CTNNBL1: variants seen among roughly 807,000 people sequenced by gnomAD.
CTNNBL1 encodes beta-catenin-like protein 1.
In CTNNBL1, 31 loss-of-function variants were observed where a neutral mutation model predicts 72.7. The ratio of observed to expected loss-of-function variants is 0.43; its 90% CI spans 0.32 to 0.58. The LOEUF (loss-of-function observed/expected upper bound fraction) is 0.58, where lower values mean the gene tolerates loss of function less well. CTNNBL1 is among the 20% of genes least tolerant of loss of function. CTNNBL1 has a pLI of 0.08. For synonymous variants in CTNNBL1, 240 were observed against 267.3 expected (o/e 0.90, Z 1.00); for missense variants, 534 against 725.1 (o/e 0.74, Z 3.03).
intron 11 of CTNNBL1, among the ~76,000 whole-genome samples, chr20:37,803,614 G>C (rs368164114): frequency 2.6e-5 from 4 of 152,184 alleles, no homozygotes; most frequent in East Asian, 3.9e-4. Flanking sequence ...GCCTGCTGCA[G>C]CCCTCTCCCC....
intron 10 of CTNNBL1, among the ~76,000 whole-genome samples, chr20:37,792,165 A>G (rs2073730766): frequency 6.6e-6 from 1 of 151,968 alleles, no homozygotes; most frequent in Non-Finnish European, 1.5e-5. Flanking sequence ...CTTATTTTTG[A>G]TGTTAGTAAT....
intron 11 of CTNNBL1, among the ~76,000 whole-genome samples, chr20:37,804,022 G>A (rs1344803209): frequency 6.6e-6 from 1 of 152,164 alleles, no homozygotes; most frequent in African/African-American, 2.4e-5. Context: ...GGAAGGTGGT[G>A]TGACCTACCT....
chr20:37,757,049 G>A (rs1193925252), intron 4 of CTNNBL1: 1 of 152,290 alleles, frequency 6.6e-6, no homozygotes, highest in African/African-American at 2.4e-5. Context: ...GACAGAGGTT[G>A]GTGGGGACTA....
chr20:37,777,694 G>A lies in CTNNBL1; in HGVS notation c.864G>A (p.Val288=). The A allele has an allele frequency of 6.2e-7, 1 of 1,613,724 alleles. No homozygotes were observed. The highest frequency in any genetic ancestry group is 8.5e-7 in the Non-Finnish European group (1 of 1,179,732). ...TTGGGGAGCTGGATGGAATCGATGT[G>A]CTTCTTCAGCAGTTATCCGTGAGTA... The part of the protein sequence containing the change: ...ELLGELDGID[V]LLQQLSVFKR... The change falls in exon 9 of 16, where the codon GTG becomes GTA. Residue 288 remains valine (V), a synonymous_variant. Coordinates refer to ENST00000361383, the MANE Select transcript of CTNNBL1 (RefSeq NM_030877.5).
intron 11 of CTNNBL1, among the ~76,000 whole-genome samples, chr20:37,819,799 C>T (rs1158288509): frequency 6.6e-6 from 1 of 151,840 alleles, no homozygotes; most frequent in Non-Finnish European, 1.5e-5. Flanking sequence ...AAGAAGGAGC[C>T]ATAGCCCACA....
intron 7 of CTNNBL1, among the ~76,000 whole-genome samples, chr20:37,775,318 C>T (rs954192432): frequency 4.6e-5 from 7 of 152,200 alleles, no homozygotes; most frequent in Non-Finnish European, 8.8e-5. Flanking sequence ...TCTGATTTCA[C>T]ATCGATTTTC....
intron 1 of CTNNBL1, among the ~76,000 whole-genome samples, chr20:37,716,468 AT>A (rs2072987204): frequency 6.6e-6 from 1 of 152,122 alleles, no homozygotes; most frequent in Non-Finnish European, 1.5e-5. Flanking sequence ...CTGACACTGA[AT>A]TGTCTTATCT....
intron 7 of CTNNBL1, among the ~76,000 whole-genome samples, chr20:37,772,985 A>G (rs1296098846): frequency 6.6e-6 from 1 of 152,248 alleles, no homozygotes; most frequent in East Asian, 1.9e-4. Context: ...AGGTAAGTAG[A>G]TAACAGTAGT....
Position 37,828,309 on chromosome 20 carries a change from A to C in CTNNBL1, c.1214-11793A>C, listed in dbSNP as rs6021198. Among the ~76,000 whole-genome samples, 889 of 152,314 alleles carry C rather than the reference A, an allele frequency of 5.8e-3. 10 individuals carry two copies. The highest frequency in any genetic ancestry group is 0.021 in the African/African-American group (854 of 41,566). ...CGAGAGCTCATCTCCGCACATCCTT[A>C]CAAGCATTAGGTGTTTGAAAGCTTC... On this transcript the variant is annotated intron_variant, in intron 11 of 15. Transcript: ENST00000361383.
chr20:37,732,823 A>C, intron 1 of CTNNBL1, 56 bp from the exon 2 acceptor site: 1 of 1,534,224 alleles, frequency 6.5e-7, no homozygotes, highest in Admixed American at 1.8e-5. Flanking sequence ...ATGAGCCACC[A>C]CGCCTGGCTT....
rs186001955 is a variant in CTNNBL1, at chr20:37,725,402, C to T, written c.31-7477C>T. On this transcript the variant is annotated intron_variant, in intron 1 of 15. Coordinates refer to ENST00000361383, the MANE Select transcript of CTNNBL1 (RefSeq NM_030877.5). ...ACCTCTGCCTCCCCAGTTCTAGCAA[C>T]TCTCCTGCCTCAGGCTCCCCAGTAG... is the stretch of plus-strand genomic sequence containing the variant. 1.9e-3 allele frequency among the ~76,000 whole-genome samples: 283 copies of T among 151,906 alleles called. 1 individual carries two copies. The highest frequency in any genetic ancestry group is 6.8e-3 in the Middle Eastern group (2 of 292).
Position 37,781,576 on chromosome 20 carries a change from G to C in CTNNBL1, c.1031+2241G>C, listed in dbSNP as rs1159641883. 2.0e-5 allele frequency among the ~76,000 whole-genome samples: 3 copies of C among 152,118 alleles called. No homozygotes were observed. The East Asian group carries it at 5.8e-4, about 29-fold the overall frequency. On this transcript the variant is annotated intron_variant, in intron 10 of 15. Transcript: ENST00000361383. The stretch of plus-strand genomic sequence containing the variant: ...TCTTTGGCATTAATTAGCTATATTA[G>C]CAGATTCAGCATTTCCTTTTTTCTC...
At chr20:37,694,423 C>A (rs1367657702) in intron 1 of CTNNBL1, among the ~76,000 whole-genome samples, 1 of 152,148 alleles carries the variant, frequency 6.6e-6, no homozygotes, top group African/African-American at 2.4e-5. Context: ...CCAGACTATC[C>A]TTTTTTTCAC....
chr20:37,736,973 C>T (rs1381625240), intron 2 of CTNNBL1, among the ~76,000 whole-genome samples: 1 of 151,974 alleles, frequency 6.6e-6, no homozygotes, highest in Non-Finnish European at 1.5e-5. Flanking sequence ...CCTGTAATCC[C>T]AGCACTTTGG....
chr20:37,856,920 A>AT (rs2072448185), intron 13 of CTNNBL1, among the ~76,000 whole-genome samples: 1 of 152,142 alleles, frequency 6.6e-6, no homozygotes, highest in Non-Finnish European at 1.5e-5. Flanking sequence ...TGTTCTTGCC[A>AT]TTAGGCACTT....
At chr20:37,775,120 A>G (rs1487230900) in intron 7 of CTNNBL1, among the ~76,000 whole-genome samples, 4 of 152,102 alleles carry the variant, frequency 2.6e-5, no homozygotes, top group Non-Finnish European at 5.9e-5. Flanking sequence ...TTATGTCCAA[A>G]CCATTTAATA....
rs1440430736 is a variant in CTNNBL1, at chr20:37,694,160, G to A, written c.30+8G>A. ...GAACTTCTGAGCTACCAGGTATGAG[G>A]GGCAGGGAGGGCCGAGCGACCGCGT... On this transcript the variant is annotated splice_region_variant and intron_variant, in intron 1 of 15. Transcript: ENST00000361383. The A allele has an allele frequency of 1.2e-5, 19 of 1,588,204 alleles. No individual in the cohort carries two copies. Among genetic ancestry groups the A allele is most frequent in the Non-Finnish European group, 1.6e-5 (19 of 1,170,206 alleles).
At chr20:37,803,160 A>C in intron 11 of CTNNBL1, 112 bp downstream of exon 11, 1 of 889,554 alleles carries the variant, frequency 1.1e-6, no homozygotes, top group Non-Finnish European at 1.7e-6. Flanking sequence ...GAAGAGTGCT[A>C]CCTTTTTCTT....
intron 12 of CTNNBL1, among the ~76,000 whole-genome samples, chr20:37,841,169 AG>A (rs2072301091): frequency 6.6e-6 from 1 of 152,242 alleles, no homozygotes; most frequent in Non-Finnish European, 1.5e-5. Context: ...TGACAGGCAA[AG>A]CAGTTGAAGC....
Sources: gnomAD v4.1 joint callset for allele counts (sites outside exome capture counted in the v4.1 genomes callset) on GRCh38, gnomAD v4.1.1 for gene constraint, MANE v1.5 for transcripts, NCBI Gene and HGNC (gene_info 2026-07-23, HGNC 2026-07-21) for gene names.